GSE1: variants seen among roughly 807,000 people sequenced by gnomAD.
The protein encoded by GSE1 is Gse1 coiled-coil protein, also known as genetic suppressor element 1.
Under a neutral mutation model 112.6 loss-of-function variants are expected in GSE1, and 32 were observed. The observed-to-expected ratio is 0.28, with a 90% CI of 0.21 to 0.38. GSE1 has a LOEUF of 0.38. Among genes scored for constraint, GSE1 ranks in the 10% least tolerant of loss-of-function variants. The pLI is 1.00. For missense variants in GSE1, 2,348 were observed against 1,699.2 expected (o/e 1.38, Z -6.71); for synonymous variants, 1,115 against 735.6 (o/e 1.52, Z -8.35).
intron 1 of GSE1, among the ~76,000 whole-genome samples, chr16:85,313,105 G>A (rs971453673): frequency 6.6e-6 from 1 of 152,332 alleles, no homozygotes; most frequent in Admixed American, 6.5e-5. Context: ...CACAGCAGGA[G>A]GGAAGCCTGT....
intron 1 of GSE1, among the ~76,000 whole-genome samples, chr16:85,247,012 G>A (rs534912317): frequency 1.1e-4 from 17 of 152,154 alleles, no homozygotes; most frequent in African/African-American, 3.6e-4. Context: ...CCTAGAGGGG[G>A]GCACCGCCTT....
intron 2 of GSE1, among the ~76,000 whole-genome samples, chr16:85,454,045 C>A (rs2049757895): frequency 6.6e-6 from 1 of 152,198 alleles, no homozygotes; most frequent in African/African-American, 2.4e-5. Context: ...AGCTTCAGCC[C>A]AGCTGGGCAG....
exon 1 of GSE1, chr16:85,169,569 G>T: frequency 1.0e-6 from 1 of 979,468 alleles, no homozygotes; most frequent in South Asian, 4.6e-5. Context: ...AGCGGCTCAT[G>T]GCAGCCGTGG....
At chr16:85,510,005 G>T (rs541571168) in intron 2 of GSE1, among the ~76,000 whole-genome samples, 72 of 152,312 alleles carry the variant, frequency 4.7e-4, no homozygotes, top group Non-Finnish European at 8.4e-4. Flanking sequence ...TGTTGGAACC[G>T]CATTGAATGT....
At chr16:85,636,814 C>T (rs1026124381) in intron 2 of GSE1, among the ~76,000 whole-genome samples, 3 of 152,198 alleles carry the variant, frequency 2.0e-5, no homozygotes, top group African/African-American at 7.2e-5. Flanking sequence ...TGGCGTTGGG[C>T]GCACAAAAGG....
At chr16:85,543,322 G>C (rs1488676115) in intron 2 of GSE1, among the ~76,000 whole-genome samples, 2 of 152,130 alleles carry the variant, frequency 1.3e-5, no homozygotes, top group African/African-American at 4.8e-5. Context: ...ATTCTATAGA[G>C]ATAGCAGAGG....
chr16:85,413,345 G>A (rs1346536856), intron 2 of GSE1, among the ~76,000 whole-genome samples: 1 of 152,176 alleles, frequency 6.6e-6, no homozygotes, highest in Non-Finnish European at 1.5e-5. Flanking sequence ...CAGGGCCATG[G>A]AGGGAGGGTC....
intron 1 of GSE1, among the ~76,000 whole-genome samples, chr16:85,257,438 C>T (rs139857730): frequency 1.2e-3 from 188 of 152,284 alleles, no homozygotes; most frequent in African/African-American, 4.4e-3. Context: ...CCATATTTCC[C>T]CAGGAGCTCA....
At chr16:85,187,271 G>A (rs1290323635) in intron 1 of GSE1, among the ~76,000 whole-genome samples, 1 of 152,228 alleles carries the variant, frequency 6.6e-6, no homozygotes, top group Non-Finnish European at 1.5e-5. Context: ...GGAATGCAGC[G>A]TCAGCAGCAG....
chr16:85,364,137 A>G (rs1436451758), intron 2 of GSE1, among the ~76,000 whole-genome samples: 1 of 152,174 alleles, frequency 6.6e-6, no homozygotes, highest in Non-Finnish European at 1.5e-5. Context: ...GCTCCAGGGG[A>G]GAATCTGTTT....
chr16:85,246,492 CTCT>C (rs1380865996), intron 1 of GSE1, among the ~76,000 whole-genome samples: 33 of 93,092 alleles, frequency 3.5e-4, no homozygotes, highest in Non-Finnish European at 6.0e-4. Flanking sequence ...CACACACACA[CTCT>C]ACACACCCCC....
intron 1 of GSE1, among the ~76,000 whole-genome samples, chr16:85,240,814 G>T (rs1288843080): frequency 6.6e-6 from 1 of 152,200 alleles, no homozygotes; most frequent in Admixed American, 6.5e-5. Context: ...GCTGGTGCTG[G>T]GTTGGGGGGT....
chr16:85,539,229 C>T (rs779941943), intron 2 of GSE1, among the ~76,000 whole-genome samples: 38 of 152,242 alleles, frequency 2.5e-4, no homozygotes, highest in Non-Finnish European at 5.3e-4. Context: ...TGGATCTCTC[C>T]ACCGCAGTGT....
At chr16:85,372,696 G>C (rs905808457) in intron 2 of GSE1, among the ~76,000 whole-genome samples, 1 of 152,078 alleles carries the variant, frequency 6.6e-6, no homozygotes, top group African/African-American at 2.4e-5. Flanking sequence ...TTAGATTCCA[G>C]ATCCCAGTTC....
At chr16:85,192,494 G>A (rs1322788200) in intron 1 of GSE1, among the ~76,000 whole-genome samples, 7 of 152,188 alleles carry the variant, frequency 4.6e-5, no homozygotes, top group African/African-American at 9.6e-5. Context: ...GCATATGGCC[G>A]CCCGTTGCTG....
chr16:85,403,943 T>C (rs2048180064), intron 2 of GSE1, among the ~76,000 whole-genome samples: 1 of 152,192 alleles, frequency 6.6e-6, no homozygotes, highest in Non-Finnish European at 1.5e-5. Flanking sequence ...CTCTGGGGAC[T>C]CTGGCTTCCA....
chr16:85,662,059 C>T (rs879592699), intron 9 of GSE1, among the ~76,000 whole-genome samples: 19 of 152,174 alleles, frequency 1.2e-4, no homozygotes, highest in African/African-American at 3.6e-4. Context: ...AAGTGATGAG[C>T]GGAGGCTAAT....
intron 1 of GSE1, among the ~76,000 whole-genome samples, chr16:85,605,756 G>C (rs1199376956): frequency 4.6e-5 from 7 of 152,026 alleles, no homozygotes; most frequent in Non-Finnish European, 8.8e-5. Flanking sequence ...GCCCCAGGGT[G>C]TTTTTAGAGG....
At chr16:85,394,336 G>T (rs2047918476) in intron 2 of GSE1, among the ~76,000 whole-genome samples, 1 of 152,200 alleles carries the variant, frequency 6.6e-6, no homozygotes, top group African/African-American at 2.4e-5. Flanking sequence ...CGGTGCTGGT[G>T]CGGCCCCGCT....
Sources: gnomAD v4.1 joint callset for allele counts (sites outside exome capture counted in the v4.1 genomes callset) on GRCh38, gnomAD v4.1.1 for gene constraint, MANE v1.5 for transcripts, NCBI Gene and HGNC (gene_info 2026-07-23, HGNC 2026-07-21) for gene names.